TAF1D: variants seen among roughly 807,000 people sequenced by gnomAD.
The protein encoded by TAF1D is TATA box-binding protein-associated factor RNA polymerase I subunit D.
TAF1D carries 23 observed loss-of-function variants against 26.2 expected under a neutral mutation model. That is an observed-to-expected ratio of 0.88 (90% CI 0.63 to 1.25). The LOEUF is 1.25. Among genes scored for constraint, TAF1D ranks in the 50% most tolerant of loss-of-function variants. The probability of loss-of-function intolerance (pLI) is 0.00; values close to 1 mark genes in which losing one functional copy is unlikely to be tolerated. For missense variants in TAF1D, 299 were observed against 322.0 expected, an observed-to-expected ratio of 0.93 and a Z score of 0.55; for synonymous variants, 100 against 105.6, an observed-to-expected ratio of 0.95 and a Z score of 0.33.
intron 1 of TAF1D, 43 bp downstream of exon 1, chr11:93,741,279 C>G (rs766371708): frequency 6.6e-6 from 3 of 455,688 alleles, no homozygotes; most frequent in South Asian, 4.6e-5. Flanking sequence ...AACGCCTCCC[C>G]CGCCCGCCAG....
At chr11:93,732,618 C>G (rs758015449), downstream of TAF1D, 1 of 357,870 alleles carries the variant, frequency 2.8e-6, no homozygotes, top group Non-Finnish European at 5.6e-6. Context: ...TCCTAATTGT[C>G]ACTGTAATAA....
downstream of TAF1D, chr11:93,732,695 T>C (rs1939472250): frequency 7.1e-6 from 2 of 281,308 alleles, no homozygotes; most frequent in Admixed American, 9.1e-5. Context: ...CCAGTCTCTC[T>C]ATAAAACTTA....
At chr11:93,733,295 CTGAACTGTAATCATT>C, downstream of TAF1D, 1 of 519,126 alleles carries the variant, frequency 1.9e-6, no homozygotes, top group Non-Finnish European at 3.8e-6. Context: ...AATTCATCAT[CTGAACTGTAATCATT>C]ATTTCCCAAA....
At chr11:93,732,097 AC>A (rs751274805), downstream of TAF1D, 42 of 519,066 alleles carry the variant, frequency 8.1e-5, 1 homozygote, top group East Asian at 2.2e-3. Context: ...ATTTTTGGAC[AC>A]CATGATCAAC....
exon 12 of TAF1D, chr11:93,730,538 G>C (rs770762715): frequency 3.0e-6 from 2 of 664,996 alleles, no homozygotes; most frequent in Non-Finnish European, 5.6e-6. Flanking sequence ...GGAAAACATA[G>C]CACCAAACAT....
Position 93,736,288 on chromosome 11 carries a change from A to T in TAF1D, c.710T>A (p.Val237Glu). 6.2e-7 allele frequency: 1 copy of T among 1,606,882 alleles called. No individual in the cohort carries two copies. Among genetic ancestry groups the T allele is most frequent in the Non-Finnish European group, 8.5e-7 (1 of 1,178,246 alleles). The change falls in exon 6 of 6, where the codon GTA becomes GAA. Residue 237 changes from valine (V) to glutamate (E), a missense_variant. By Grantham distance (121) the Val-to-Glu change is moderately radical. Transcript: ENST00000448108. Reference protein sequence around the residue: ...DIKLAGDSFIVSSEFPVRLSV... With the variant: ...DIKLAGDSFIESSEFPVRLSV... Reference sequence around the variant, plus strand: ...CAGTCTTACAGGGAATTCAGAACTTACTATGAAACTATCCCCCTGCATAAA... The same window carrying T: ...CAGTCTTACAGGGAATTCAGAACTTTCTATGAAACTATCCCCCTGCATAAA...
At chr11:93,732,779 T>C (rs1939511692), downstream of TAF1D, 1 of 224,898 alleles carries the variant, frequency 4.4e-6, no homozygotes, top group African/African-American at 2.3e-5. Flanking sequence ...AAACTGCCAG[T>C]TACACAAAAT....
chr11:93,738,686 T>TTTA, intron 2 of TAF1D, among the ~76,000 whole-genome samples, 187 bp from the exon 3 acceptor site: 1 of 152,278 alleles, frequency 6.6e-6, no homozygotes, highest in South Asian at 2.1e-4. Flanking sequence ...AAATAGCCCA[T>TTTA]AATGCTACAG....
At chr11:93,732,105 C>G (rs761686619), downstream of TAF1D, 17 of 518,942 alleles carry the variant, frequency 3.3e-5, 1 homozygote, top group South Asian at 2.4e-4. Flanking sequence ...ACACCATGAT[C>G]AACAGTGCCC....
chr11:93,730,283 G>C, exon 12 of TAF1D: 1 of 1,524,452 alleles, frequency 6.6e-7, no homozygotes, highest in Non-Finnish European at 8.9e-7. Flanking sequence ...TCTAGAAATA[G>C]TGTAAAGGTT....
chr11:93,734,637 A>T (rs1940281395), downstream of TAF1D: 1 of 916,162 alleles, frequency 1.1e-6, no homozygotes, highest in African/African-American at 1.7e-5. Context: ...TTAACTCCAG[A>T]CACCATGTTC....
intron 1 of TAF1D, among the ~76,000 whole-genome samples, 159 bp from the exon 2 acceptor site, chr11:93,739,490 A>G (rs960029776): frequency 2.0e-5 from 3 of 152,236 alleles, no homozygotes; most frequent in Admixed American, 2.0e-4. Context: ...CTTTAAAAAG[A>G]AATCCAGAAA....
downstream of TAF1D, chr11:93,735,350 G>A (rs1013892688): frequency 5.4e-6 from 6 of 1,103,690 alleles, no homozygotes; most frequent in African/African-American, 8.3e-5. Context: ...AAATGTGTAT[G>A]CCTTTTCTTG....
rs938265808 is a variant in TAF1D at position 93,735,721 on chromosome 11, A to G, written c.*440T>C. 1.2e-5 allele frequency: 12 copies of G among 1,023,828 alleles called. No individual in the cohort carries two copies. The highest frequency in any genetic ancestry group is 1.4e-5 in the Non-Finnish European group (12 of 854,252). The allele number at this position is 1,023,828 out of a possible 1,614,324, so 63.4% of individuals were successfully genotyped here. On this transcript the variant is annotated 3_prime_UTR_variant, in exon 6 of 6. Coordinates refer to ENST00000448108, the MANE Select transcript of TAF1D (RefSeq NM_024116.4). ...ATTTGGAAAGGGAAATGAGGTTATT[A>G]CAATACTAAGCATCTGACAGGTCAC... is the stretch of plus-strand genomic sequence containing the variant.
rs537613424 is a variant in TAF1D at position 93,735,825 on chromosome 11, TTTAAGA to T, written c.*330_*335del. 353 of 1,071,946 alleles carry T rather than the reference TTTAAGA, an allele frequency of 3.3e-4. 2 individuals carry two copies. In the African/African-American group the frequency reaches 5.2e-3, roughly 16 times the overall value. 66.4% of individuals were successfully genotyped at this position (1,071,946 alleles called of 1,614,324 possible). A position where few individuals can be genotyped will look rare whatever the true frequency, so the allele number is the denominator to read the frequency against. ...TCAAGATGGTTGGGTGTCAAGTTAC[TTTAAGA>T]TTTTCTTTTCAAAATTAAAATCACT... On this transcript the variant is annotated 3_prime_UTR_variant, in exon 6 of 6. Coordinates refer to ENST00000448108, the MANE Select transcript of TAF1D (RefSeq NM_024116.4).
intron 1 of TAF1D, among the ~76,000 whole-genome samples, chr11:93,740,457 AAAAAAAAAAG>A (rs1941718334): frequency 2.0e-5 from 3 of 148,092 alleles, no homozygotes; most frequent in African/African-American, 5.1e-5. Context: ...AAAAAAAAAA[AAAAAAAAAAG>A]GCATGGCAAC....
Position 93,736,718 on chromosome 11 carries a change from A to G in TAF1D, c.669T>C (p.Asp223=). Residue 223 remains aspartate (D), a synonymous_variant, in exon 5 of 6, where the codon GAT becomes GAC. Coordinates refer to ENST00000448108, the MANE Select transcript of TAF1D (RefSeq NM_024116.4). ...CTGCCAATTTGATATCACATTCGTT[A>G]TCTTCAAGATGTGTTGCATCCTCAT... ...AEDEDATHLE[D]NECDIKLAGD... is the part of the protein sequence containing the mutation. The G allele has an allele frequency of 6.2e-7, 1 of 1,611,524 alleles. No individual in the cohort carries two copies. Among genetic ancestry groups the G allele is most frequent in the East Asian group, 2.2e-5 (1 of 44,734 alleles).
downstream of TAF1D, chr11:93,735,296 A>G: frequency 7.9e-7 from 1 of 1,258,204 alleles, no homozygotes; most frequent in South Asian, 1.4e-5. Flanking sequence ...AAAATAATGA[A>G]CATCGGGGTA....
intron 1 of TAF1D, among the ~76,000 whole-genome samples, chr11:93,740,965 C>G (rs1213149006): frequency 1.3e-5 from 2 of 152,228 alleles, no homozygotes; most frequent in African/African-American, 4.8e-5. Context: ...GCTGTGACCA[C>G]CAGCGCCTCT....
Sources: allele counts gnomAD v4.1 joint callset (sites outside exome capture counted in the v4.1 genomes callset), GRCh38; gene constraint gnomAD v4.1.1; transcripts MANE v1.5; gene names NCBI Gene and HGNC (gene_info 2026-07-23, HGNC 2026-07-21).